DEPDC5: variants seen among roughly 807,000 people sequenced by gnomAD.
The protein encoded by DEPDC5 is DEP domain containing 5, GATOR1 subcomplex subunit, also known as GATOR1 complex protein DEPDC5.
In DEPDC5, 73 loss-of-function variants were observed where a neutral mutation model predicts 217.3. The ratio of observed to expected loss-of-function variants is 0.34; its 90% CI spans 0.28 to 0.41. The LOEUF is 0.41. Among genes scored for constraint, DEPDC5 ranks in the 10% least tolerant of loss-of-function variants. The probability of loss-of-function intolerance (pLI) is 1.00; values close to 1 mark genes in which losing one functional copy is unlikely to be tolerated. For missense variants in DEPDC5, 1,675 were observed against 2,070.1 expected, an observed-to-expected ratio of 0.81 and a Z score of 3.70; for synonymous variants, 733 against 756.7, an observed-to-expected ratio of 0.97 and a Z score of 0.51.
At chr22:31,848,781 T>C (rs1277904199) in intron 31 of DEPDC5, among the ~76,000 whole-genome samples, 1 of 152,212 alleles carries the variant, frequency 6.6e-6, no homozygotes, top group African/African-American at 2.4e-5. Context: ...GGTTTTTCTT[T>C]TCTGTCACAT....
intron 21 of DEPDC5, among the ~76,000 whole-genome samples, chr22:31,817,645 C>T: frequency 6.6e-6 from 1 of 151,916 alleles, no homozygotes; most frequent in Non-Finnish European, 1.5e-5. Flanking sequence ...TGCACCACCA[C>T]ACCCGGCTAG....
Position 31,815,155 on chromosome 22 carries a change from C to T in DEPDC5, c.1609C>T (p.His537Tyr), listed in dbSNP as rs1314485669. ...GKSANILMIP[H>Y]PHLHQYEVSS... ...GAGTGCCAACATCCTGATGATCCCACACCCCCACCTGCACCAGTATGAAGT... is the reference window on the plus strand; with the variant it reads ...GAGTGCCAACATCCTGATGATCCCATACCCCCACCTGCACCAGTATGAAGT... Residue 537 changes from histidine (H) to tyrosine (Y), a missense_variant, in exon 21 of 43, where the codon CAC (histidine) becomes TAC (tyrosine). By Grantham distance (83) the His-to-Tyr change is moderately conservative (BLOSUM62 2). Coordinates refer to ENST00000651528, the MANE Select transcript of DEPDC5 (RefSeq NM_001242896.3). 3 of 1,614,080 alleles carry T rather than the reference C, an allele frequency of 1.9e-6. No homozygotes were observed. Among genetic ancestry groups the T allele is most frequent in the South Asian group, 1.1e-5 (1 of 91,086 alleles).
intron 7 of DEPDC5, among the ~76,000 whole-genome samples, chr22:31,774,301 G>A (rs1193535725): frequency 6.7e-6 from 1 of 149,966 alleles, no homozygotes; most frequent in Non-Finnish European, 1.5e-5. Context: ...CCAGGCTCAA[G>A]CAATTCTCCT....
chr22:31,836,832 T>G lies in DEPDC5; in HGVS notation c.2171-140T>G, dbSNP rs138184414. 2,329 of 741,866 alleles carry G rather than the reference T, an allele frequency of 3.1e-3. 4 individuals are homozygous for G. The highest frequency in any genetic ancestry group is 4.4e-3 in the Non-Finnish European group (1,997 of 449,746). The allele number at this position is 741,866 out of a possible 1,614,324, so 46.0% of individuals were successfully genotyped here. A position where few individuals can be genotyped will look rare whatever the true frequency, so the allele number is the denominator to read the frequency against. On this transcript the variant is annotated intron_variant, in intron 25 of 42. Transcript: ENST00000651528. ...CTCTTTCTCCCTCCCCTACCCTGTT[T>G]CTTCCCAATCCTGGCAATTTTACCA...
chr22:31,822,476 A>G (rs1243338520), intron 23 of DEPDC5, among the ~76,000 whole-genome samples: 1 of 152,152 alleles, frequency 6.6e-6, no homozygotes, highest in Non-Finnish European at 1.5e-5. Context: ...GGAAAGCAGC[A>G]GGGGTGCCAG....
In DEPDC5 at chr22:31,768,837, C is replaced by T. The variant is rs2083058869; in HGVS notation, c.387C>T (p.Thr129=). The T allele has an allele frequency of 1.2e-6, 2 of 1,613,632 alleles. No homozygotes were observed. The highest frequency in any genetic ancestry group is 1.3e-5 in the African/African-American group (1 of 74,886). ...AGGTCAGCACATGTGCCTATATCAC[C>T]CAGAAGGTGGAGTTTGCTGGCATCA... ...KSLVSTCAYI[T]QKVEFAGIRA... Residue 129 remains threonine, a synonymous_variant, in exon 7 of 43, where the codon ACC becomes ACT. Transcript: ENST00000651528.
At chr22:31,857,742 A>ATTAC in intron 32 of DEPDC5, 189 bp downstream of exon 32, 1 of 497,342 alleles carries the variant, frequency 2.0e-6, no homozygotes, top group East Asian at 3.5e-5. Flanking sequence ...CACAGTTGTA[A>ATTAC]GGAAGCTAAC....
chr22:31,874,132 C>G (rs886634574), intron 35 of DEPDC5, 141 bp from the exon 36 acceptor site: 1 of 1,314,094 alleles, frequency 7.6e-7, no homozygotes, highest in Non-Finnish European at 1.0e-6. Flanking sequence ...GGGTGTTTCT[C>G]TGAGTCTAGG....
At chr22:31,883,370 C>G (rs2093227498) in intron 38 of DEPDC5, among the ~76,000 whole-genome samples, 1 of 152,128 alleles carries the variant, frequency 6.6e-6, no homozygotes, top group Admixed American at 6.6e-5. Flanking sequence ...ATGGTCAGAG[C>G]TGGAGCTGAG....
rs376135083 is a variant in DEPDC5 at position 31,876,279 on chromosome 22, C to T, written c.3805+14C>T. 3.6e-5 allele frequency: 58 copies of T among 1,608,972 alleles called. No homozygotes were observed. The highest frequency in any genetic ancestry group is 1.7e-4 in the Admixed American group (10 of 59,750). On this transcript the variant is annotated intron_variant, in intron 37 of 42. Coordinates refer to ENST00000651528, the MANE Select transcript of DEPDC5 (RefSeq NM_001242896.3). ...AGCCCGACCGAGGTTAGAGCCGAGG[C>T]GAATGCGGTTGCCCACAGGGGCAAG...
chr22:31,818,353 C>CT (rs2089362477), intron 21 of DEPDC5, among the ~76,000 whole-genome samples: 2 of 152,180 alleles, frequency 1.3e-5, no homozygotes. Flanking sequence ...TACTGATCCA[C>CT]TCAGTCCATT....
At chr22:31,862,673 G>T (rs1569139383) in intron 33 of DEPDC5, among the ~76,000 whole-genome samples, 1 of 152,206 alleles carries the variant, frequency 6.6e-6, no homozygotes, top group Non-Finnish European at 1.5e-5. Context: ...ATATCATTCT[G>T]CCCACTGCAC....
intron 6 of DEPDC5, among the ~76,000 whole-genome samples, chr22:31,767,306 A>G (rs1342588115): frequency 6.6e-6 from 1 of 151,640 alleles, no homozygotes; most frequent in Non-Finnish European, 1.5e-5. Flanking sequence ...ATGCCCGGCT[A>G]ATTTTTTTTT....
intron 14 of DEPDC5, among the ~76,000 whole-genome samples, chr22:31,800,430 A>G (rs1004160524): frequency 3.3e-5 from 5 of 152,058 alleles, no homozygotes; most frequent in Admixed American, 6.6e-5. Context: ...ATTTAAAGCA[A>G]TAGCTTCTCA....
At chr22:31,901,716 A>C (rs754850941) in intron 40 of DEPDC5, 26 bp from the exon 41 acceptor site, 1 of 1,597,622 alleles carries the variant, frequency 6.3e-7, no homozygotes, top group Non-Finnish European at 8.5e-7. Flanking sequence ...ATCACAACCC[A>C]ATATTTATTC....
At chr22:31,854,292 A>C (rs146909506) in intron 31 of DEPDC5, among the ~76,000 whole-genome samples, 224 of 152,328 alleles carry the variant, frequency 1.5e-3, no homozygotes, top group Non-Finnish European at 2.0e-3. Flanking sequence ...CAGGTGACTC[A>C]GTACATGTGG....
intron 10 of DEPDC5, among the ~76,000 whole-genome samples, chr22:31,788,709 G>A (rs2085297707): frequency 6.6e-6 from 1 of 151,744 alleles, no homozygotes; most frequent in South Asian, 2.1e-4. Context: ...GAATAGCTGA[G>A]ATTACAGGCG....
chr22:31,764,850 A>T, intron 4 of DEPDC5, 125 bp from the exon 5 acceptor site: 1 of 660,556 alleles, frequency 1.5e-6, no homozygotes, highest in Non-Finnish European at 2.7e-6. Context: ...AAAGGAAGAG[A>T]CTGTGTGTTG....
At chr22:31,851,946 G>A (rs570286555) in intron 31 of DEPDC5, among the ~76,000 whole-genome samples, 102 of 152,174 alleles carry the variant, frequency 6.7e-4, no homozygotes, top group African/African-American at 2.1e-3. Flanking sequence ...ATCCCAGCAC[G>A]TTGGGAGACT....
Sources: gnomAD v4.1 joint callset for allele counts (sites outside exome capture counted in the v4.1 genomes callset) on GRCh38, gnomAD v4.1.1 for gene constraint, MANE v1.5 for transcripts, NCBI Gene and HGNC (gene_info 2026-07-23, HGNC 2026-07-21) for gene names.